Variants in WWC1 observed in about 807,000 individuals in gnomAD.
WWC1 encodes WW and C2 domain containing 1, also known as protein KIBRA.
In WWC1, 55 loss-of-function variants were observed where a neutral mutation model predicts 138.4. That is an observed-to-expected ratio of 0.40 (90% CI 0.32 to 0.50). WWC1 has a LOEUF of 0.50. Ranked by LOEUF, WWC1 falls within the 20% of genes least tolerant of loss-of-function variation. WWC1 has a pLI of 0.72. For synonymous variants in WWC1, 524 were observed against 564.9 expected (o/e 0.93, Z 1.03); for missense variants, 1,226 against 1,420.4 (o/e 0.86, Z 2.20).
At chr5:168,323,659 G>T (rs529244031) in intron 1 of WWC1, among the ~76,000 whole-genome samples, 1 of 152,128 alleles carries the variant, frequency 6.6e-6, no homozygotes, top group South Asian at 2.1e-4. Context: ...TCTAAGAAAT[G>T]TGTATTTGCA....
intron 9 of WWC1, among the ~76,000 whole-genome samples, chr5:168,417,407 T>C (rs1183757833): frequency 6.6e-6 from 1 of 152,076 alleles, no homozygotes; most frequent in Non-Finnish European, 1.5e-5. Flanking sequence ...ATATACCACA[T>C]GTAAAAGCTC....
At chr5:168,306,688 C>T (rs1770590864) in intron 1 of WWC1, among the ~76,000 whole-genome samples, 1 of 152,170 alleles carries the variant, frequency 6.6e-6, no homozygotes, top group South Asian at 2.1e-4. Context: ...CCTCTGCCTC[C>T]TGGGTTCAAG....
At chr5:168,408,231 G>A (rs142360103) in intron 6 of WWC1, among the ~76,000 whole-genome samples, 79 of 152,186 alleles carry the variant, frequency 5.2e-4, no homozygotes, top group African/African-American at 1.8e-3. Flanking sequence ...AAGTCACACA[G>A]CTGGGAAGCA....
intron 2 of WWC1, among the ~76,000 whole-genome samples, chr5:168,383,690 T>G (rs555170671): frequency 6.6e-6 from 1 of 152,328 alleles, no homozygotes; most frequent in South Asian, 2.1e-4. Context: ...TGAAGATATC[T>G]CTCCATTTTT....
chr5:168,316,856 T>A (rs1486896666), intron 1 of WWC1: 1 of 152,242 alleles, frequency 6.6e-6, no homozygotes, highest in African/African-American at 2.4e-5. Context: ...TTTTTCTTTA[T>A]GAGAATGTTG....
intron 15 of WWC1, among the ~76,000 whole-genome samples, chr5:168,434,693 T>C (rs1161624172): frequency 1.3e-5 from 2 of 152,218 alleles, no homozygotes; most frequent in South Asian, 2.1e-4. Context: ...GTGTCTCTCA[T>C]GTCCCCAGAC....
intron 1 of WWC1, among the ~76,000 whole-genome samples, chr5:168,358,850 T>G (rs914020119): frequency 6.6e-6 from 1 of 151,978 alleles, no homozygotes; most frequent in Non-Finnish European, 1.5e-5. Context: ...CTCATCATAA[T>G]CAGTATAACA....
intron 5 of WWC1, 78 bp from the exon 6 acceptor site, chr5:168,406,120 T>G: frequency 6.5e-7 from 1 of 1,548,526 alleles, no homozygotes; most frequent in Non-Finnish European, 8.8e-7. Flanking sequence ...TGAAGTCCTG[T>G]GGTCTGTGCT....
intron 1 of WWC1, among the ~76,000 whole-genome samples, chr5:168,364,971 A>G (rs1362132847): frequency 6.6e-6 from 1 of 152,134 alleles, no homozygotes; most frequent in African/African-American, 2.4e-5. Flanking sequence ...CAGCTCTCCT[A>G]ACAAACTTGA....
chr5:168,428,575 A>C, intron 12 of WWC1, 132 bp from the exon 13 acceptor site: 4 of 811,672 alleles, frequency 4.9e-6, no homozygotes, highest in Non-Finnish European at 7.5e-6. Context: ...TTTTTTAATT[A>C]AAATTTAAAA....
chr5:168,339,956 CCTCTCT>C (rs71893673), intron 1 of WWC1, among the ~76,000 whole-genome samples: 7 of 127,190 alleles, frequency 5.5e-5, no homozygotes, highest in East Asian at 2.2e-4. Context: ...TCCCCCTCTC[CCTCTCT>C]CTCTCTGTCT....
intron 1 of WWC1, among the ~76,000 whole-genome samples, chr5:168,316,443 G>A (rs1424319905): frequency 1.3e-5 from 2 of 152,164 alleles, no homozygotes; most frequent in Non-Finnish European, 2.9e-5. Context: ...TGAGGGCTGG[G>A]GGTGTTTTTG....
At chr5:168,365,104 C>T (rs192995281) in intron 1 of WWC1, among the ~76,000 whole-genome samples, 2 of 152,210 alleles carry the variant, frequency 1.3e-5, no homozygotes, top group Admixed American at 6.5e-5. Flanking sequence ...CTGGCCTCCC[C>T]GGAGCTAAAG....
At chr5:168,373,719 T>TAAAAAAAAA (rs368930085) in intron 2 of WWC1, among the ~76,000 whole-genome samples, 1 of 52,644 alleles carries the variant, frequency 1.9e-5, no homozygotes, top group Non-Finnish European at 3.2e-5. Context: ...CCTTGTCTCT[T>TAAAAAAAAA]AAAAAAAAAA....
intron 1 of WWC1, among the ~76,000 whole-genome samples, chr5:168,299,174 A>C (rs1268772795): frequency 1.3e-5 from 2 of 152,152 alleles, no homozygotes; most frequent in African/African-American, 4.8e-5. Flanking sequence ...TTGCATCTAC[A>C]CTCATACTAG....
In WWC1 at chr5:168,430,206, G is replaced by A; in HGVS notation, c.2070G>A (p.Gln690=). 6.2e-7 allele frequency: 1 copy of A among 1,613,670 alleles called. No homozygotes were observed. Among genetic ancestry groups the A allele is most frequent in the African/African-American group, 1.3e-5 (1 of 75,040 alleles). The part of the protein sequence containing the change: ...IQLSNLSALL[Q]QQDQKVNIRV... Reference sequence around the variant, plus strand: ...TGAGTAACCTTTCTGCTCTGTTGCAGCAACAAGACCAGAAAGTGTGAGTAT... The same window carrying A: ...TGAGTAACCTTTCTGCTCTGTTGCAACAACAAGACCAGAAAGTGTGAGTAT... Residue 690 remains glutamine, a synonymous_variant, in exon 14 of 23, where the codon CAG becomes CAA. Transcript: ENST00000265293.
intron 9 of WWC1, chr5:168,416,370 C>T (rs900438825): frequency 6.6e-6 from 1 of 152,266 alleles, no homozygotes; most frequent in African/African-American, 2.4e-5. Flanking sequence ...TTGGAAGCAC[C>T]TTGCTAGAAG....
chr5:168,309,392 C>T (rs1411934675), intron 1 of WWC1, among the ~76,000 whole-genome samples: 5 of 147,424 alleles, frequency 3.4e-5, no homozygotes, highest in South Asian at 2.1e-4. Context: ...TACCGTGAGA[C>T]GGTATCTCTG....
chr5:168,424,156 G>A (rs1411646169), intron 11 of WWC1, 88 bp downstream of exon 11: 2 of 1,449,584 alleles, frequency 1.4e-6, no homozygotes, highest in South Asian at 1.4e-5. Context: ...CATTCTAGTC[G>A]ATATTTACTG....
Sources: allele counts gnomAD v4.1 joint callset (sites outside exome capture counted in the v4.1 genomes callset), GRCh38; gene constraint gnomAD v4.1.1; transcripts MANE v1.5; gene names NCBI Gene and HGNC (gene_info 2026-07-23, HGNC 2026-07-21).